Variants in RNF4 observed in about 807,000 individuals in gnomAD.
RNF4 encodes E3 ubiquitin-protein ligase RNF4.
RNF4 carries 7 observed loss-of-function variants against 24.3 expected under a neutral mutation model. That is an observed-to-expected ratio of 0.29 (90% CI 0.16 to 0.54). The LOEUF is 0.54. Among genes scored for constraint, RNF4 ranks in the 20% least tolerant of loss-of-function variants. RNF4 has a pLI of 0.95. For synonymous variants in RNF4, 83 were observed against 84.3 expected, an observed-to-expected ratio of 0.98 and a Z score of 0.09; for missense variants, 209 against 248.5, an observed-to-expected ratio of 0.84 and a Z score of 1.07.
chr4:2,485,642 C>T (rs1578505924), intron 1 of RNF4, among the ~76,000 whole-genome samples: 2 of 152,284 alleles, frequency 1.3e-5, no homozygotes, highest in East Asian at 3.9e-4. Flanking sequence ...TAGCATCCGG[C>T]TCTCCTGACC....
chr4:2,509,606 A>G (rs1363550065), intron 4 of RNF4, among the ~76,000 whole-genome samples: 1 of 152,090 alleles, frequency 6.6e-6, no homozygotes, highest in East Asian at 1.9e-4. Context: ...ACCAGTGAGG[A>G]AACACTCTGG....
At chr4:2,472,451 C>T (rs899133385) in intron 1 of RNF4, among the ~76,000 whole-genome samples, 1 of 152,048 alleles carries the variant, frequency 6.6e-6, no homozygotes, top group Non-Finnish European at 1.5e-5. Flanking sequence ...TCAAATCTTA[C>T]TTAAGAAATG....
Position 2,490,430 on chromosome 4 carries a change from C to A in RNF4, c.-64C>A. 1.3e-6 allele frequency: 2 copies of A among 1,569,204 alleles called. No individual in the cohort carries two copies. On this transcript the variant is annotated 5_prime_UTR_variant, in exon 2 of 8. Transcript: ENST00000314289. The stretch of plus-strand genomic sequence containing the variant: ...ATGAAAGGTTGAGAACATTTGACTT[C>A]CCTGCAAACCTTGGTATAGATCACT...
At chr4:2,498,705 C>T (rs1287919317) in intron 3 of RNF4, among the ~76,000 whole-genome samples, 2 of 152,228 alleles carry the variant, frequency 1.3e-5, no homozygotes, top group South Asian at 2.1e-4. Flanking sequence ...AGCCAGATTG[C>T]TTGAGCCCAG....
chr4:2,502,145 G>A (rs763612714), intron 4 of RNF4, among the ~76,000 whole-genome samples: 47 of 152,198 alleles, frequency 3.1e-4, no homozygotes, highest in Non-Finnish European at 5.9e-4. Flanking sequence ...TTTCCCAGCT[G>A]ACACCTTGGT....
intron 1 of RNF4, among the ~76,000 whole-genome samples, chr4:2,483,303 G>T (rs1339198456): frequency 6.6e-6 from 1 of 152,162 alleles, no homozygotes; most frequent in Non-Finnish European, 1.5e-5. Flanking sequence ...TTCCACAGAG[G>T]TGAGGTGTTC....
intron 1 of RNF4, among the ~76,000 whole-genome samples, chr4:2,486,461 C>T (rs1735411035): frequency 6.6e-6 from 1 of 152,184 alleles, no homozygotes; most frequent in African/African-American, 2.4e-5. Context: ...GGCTTATCCC[C>T]AAGACCAGCC....
chr4:2,513,596 G>T, intron 7 of RNF4, 74 bp from the exon 8 acceptor site: 1 of 1,573,558 alleles, frequency 6.4e-7, no homozygotes, highest in East Asian at 2.2e-5. Context: ...GCATAGGTGG[G>T]TGGGATTCTC....
intron 4 of RNF4, among the ~76,000 whole-genome samples, chr4:2,509,222 T>TC (rs892691524): frequency 4.6e-5 from 7 of 151,484 alleles, no homozygotes; most frequent in Admixed American, 1.3e-4. Context: ...CCTGTGCTTT[T>TC]CTTTTTTTCT....
At chr4:2,492,501 C>T (rs1375048123) in intron 2 of RNF4, among the ~76,000 whole-genome samples, 1 of 152,218 alleles carries the variant, frequency 6.6e-6, no homozygotes, top group African/African-American at 2.4e-5. Flanking sequence ...CTCAAAACAT[C>T]TGTTGTCTGA....
At chr4:2,498,714 A>G (rs1012060822) in intron 3 of RNF4, among the ~76,000 whole-genome samples, 2 of 152,208 alleles carry the variant, frequency 1.3e-5, no homozygotes, top group African/African-American at 4.8e-5. Flanking sequence ...GCTTGAGCCC[A>G]GGAGTACCAG....
chr4:2,495,639 T>TTG (rs1553878656), intron 2 of RNF4, among the ~76,000 whole-genome samples: 40 of 132,838 alleles, frequency 3.0e-4, no homozygotes, highest in Middle Eastern at 3.8e-3. Flanking sequence ...CTTTTTTTTT[T>TTG]GGGGGGGGGT....
intron 1 of RNF4, among the ~76,000 whole-genome samples, chr4:2,484,668 G>GA (rs1735354100): frequency 6.8e-6 from 1 of 146,362 alleles, no homozygotes; most frequent in African/African-American, 2.5e-5. Flanking sequence ...TATTGGGGGG[G>GA]ACCTCTAAGA....
intron 4 of RNF4, among the ~76,000 whole-genome samples, chr4:2,509,650 G>A (rs183899061): frequency 1.5e-4 from 23 of 152,278 alleles, no homozygotes; most frequent in Admixed American, 1.4e-3. Flanking sequence ...GTAGTTGTGT[G>A]TGTATCACCT....
rs1184762047 is a variant in RNF4 at position 2,512,447 on chromosome 4, G to C, written c.224G>C (p.Arg75Thr). 6.2e-7 allele frequency: 1 copy of C among 1,610,524 alleles called. No homozygotes were observed. The highest frequency in any genetic ancestry group is 8.5e-7 in the Non-Finnish European group (1 of 1,178,390). The change falls in exon 6 of 8, where the codon AGA becomes ACA. Residue 75 changes from arginine (R) to threonine (T), a missense_variant. This residue lies in a region of RNF4 where 182 missense variants were observed against 197.2 expected (regional missense o/e 0.92). Coordinates refer to ENST00000314289, the MANE Select transcript of RNF4 (RefSeq NM_002938.5). The surrounding 1 kb of genome is among the most constrained non-coding windows in gnomAD (Gnocchi z 4.1). ...TGACCTCTTACCTTAGAAAGAAGAA[G>C]ACCAAGGAGGAATGCTAGGAGGCTG... is the stretch of plus-strand genomic sequence containing the variant. ...DSVVIVDERR[R>T]PRRNARRLPQ...
At chr4:2,477,366 C>A (rs558806556) in intron 1 of RNF4, among the ~76,000 whole-genome samples, 1 of 152,146 alleles carries the variant, frequency 6.6e-6, no homozygotes, top group South Asian at 2.1e-4. Context: ...GCGGGCGGAT[C>A]ACGAGGTTAG....
intron 4 of RNF4, among the ~76,000 whole-genome samples, chr4:2,504,124 A>C (rs1009641710): frequency 2.0e-5 from 3 of 152,222 alleles, no homozygotes; most frequent in Admixed American, 1.3e-4. Context: ...AAGGAATTCA[A>C]AGCCCCTGAA....
intron 1 of RNF4, among the ~76,000 whole-genome samples, chr4:2,475,521 G>T (rs1399669886): frequency 2.6e-5 from 4 of 152,004 alleles, no homozygotes; most frequent in Non-Finnish European, 5.9e-5. Flanking sequence ...TGTATTTTTA[G>T]TAGAGATAGG....
chr4:2,475,902 C>T (rs1735056396), intron 1 of RNF4, among the ~76,000 whole-genome samples: 1 of 152,168 alleles, frequency 6.6e-6, no homozygotes, highest in South Asian at 2.1e-4. Context: ...CTGACTCCTA[C>T]CTTTGTTCCT....
Sources: allele counts gnomAD v4.1 joint callset (sites outside exome capture counted in the v4.1 genomes callset), GRCh38; gene constraint gnomAD v4.1.1; regional missense constraint gnomAD v4.1.1; non-coding constraint Gnocchi (gnomAD v3.1); transcripts MANE v1.5; gene names NCBI Gene and HGNC (gene_info 2026-07-23, HGNC 2026-07-21).